The following SEMA5B variants were observed in gnomAD, a reference collection of about 807,000 sequenced individuals.
The protein encoded by SEMA5B is semaphorin 5B, also known as semaphorin-5B.
In SEMA5B, 66 loss-of-function variants were observed where a neutral mutation model predicts 135.0. The ratio of observed to expected loss-of-function variants is 0.49; its 90% confidence interval spans 0.40 to 0.60. The LOEUF is 0.60. Among genes scored for constraint, SEMA5B ranks in the 20% least tolerant of loss-of-function variants. The pLI, the probability that SEMA5B is intolerant of heterozygous loss-of-function variation, is 0.00. For synonymous variants in SEMA5B, 690 were observed against 639.5 expected (o/e 1.08, Z -1.19); for missense variants, 1,501 against 1,566.3 (o/e 0.96, Z 0.70).
At chr3:122,962,874 C>T (rs1208040108) in intron 1 of SEMA5B, among the ~76,000 whole-genome samples, 2 of 152,126 alleles carry the variant, frequency 1.3e-5, no homozygotes, top group African/African-American at 4.8e-5. Flanking sequence ...CACACACCAC[C>T]CTTACTCTCA....
rs767090932 is a variant in SEMA5B at position 122,923,734 on chromosome 3, A to G, written c.1155T>C (p.Ser385=). 3.1e-6 allele frequency: 5 copies of G among 1,614,168 alleles called. No individual in the cohort carries two copies. In the East Asian group the frequency reaches 1.1e-4, roughly 36 times the overall value. Residue 385 remains serine (S), a synonymous_variant, in exon 10 of 23, where the codon TCT becomes TCC. Coordinates refer to ENST00000357599, the MANE Select transcript of SEMA5B (RefSeq NM_001031702.4). ...FTTNVNSIAA[S]AVCAFNLSAI... Reference sequence around the variant, plus strand: ...CACTGAGGTTGAAGGCGCAGACAGCAGAAGCCGCGATGCTGTTTCTGAAAG... The same window carrying G: ...CACTGAGGTTGAAGGCGCAGACAGCGGAAGCCGCGATGCTGTTTCTGAAAG...
intron 9 of SEMA5B, among the ~76,000 whole-genome samples, chr3:122,925,044 A>C (rs781277643): frequency 4.6e-5 from 7 of 152,278 alleles, no homozygotes; most frequent in Non-Finnish European, 1.0e-4. Flanking sequence ...ATCCACACTG[A>C]TGGCGTCAGT....
intron 1 of SEMA5B, among the ~76,000 whole-genome samples, chr3:123,017,769 G>C (rs1299924672): frequency 1.3e-5 from 2 of 152,052 alleles, no homozygotes; most frequent in Non-Finnish European, 2.9e-5. Flanking sequence ...TTAGCCAGAT[G>C]CAGTGGCGGG....
At chr3:122,972,653 G>A (rs553341902) in intron 1 of SEMA5B, among the ~76,000 whole-genome samples, 1 of 152,346 alleles carries the variant, frequency 6.6e-6, no homozygotes, top group Non-Finnish European at 1.5e-5. Context: ...GGTAAGAGCT[G>A]TTGGGATGCT....
chr3:123,025,598 G>A (rs545475452), intron 1 of SEMA5B, among the ~76,000 whole-genome samples: 6 of 152,180 alleles, frequency 3.9e-5, no homozygotes, highest in Non-Finnish European at 8.8e-5. Flanking sequence ...AAAAGGGATG[G>A]AAGATCTGCC....
chr3:122,966,547 T>C (rs1261805888), intron 1 of SEMA5B, among the ~76,000 whole-genome samples: 1 of 147,622 alleles, frequency 6.8e-6, no homozygotes, highest in Admixed American at 6.7e-5. Context: ...TTATTATTAT[T>C]ATTATTATTA....
At position 122,964,281 on chromosome 3, in the gene SEMA5B, C is replaced by A. The variant is rs142616164; in HGVS notation, c.-38-2980G>T. 3.7e-3 allele frequency among the ~76,000 whole-genome samples: 566 copies of A among 152,286 alleles called. 5 individuals are homozygous for A. The highest frequency in any genetic ancestry group is 0.013 in the African/African-American group (546 of 41,552). On this transcript the variant is annotated intron_variant, in intron 1 of 22. Coordinates refer to ENST00000357599, the MANE Select transcript of SEMA5B (RefSeq NM_001031702.4). ...GCACCTGTACCTCAGTGGATCCCAA[C>A]CCCAGATGGGATGGCAGGTGACATG...
At chr3:122,998,107 C>G (rs1177662569) in intron 1 of SEMA5B, among the ~76,000 whole-genome samples, 1 of 152,194 alleles carries the variant, frequency 6.6e-6, no homozygotes, top group African/African-American at 2.4e-5. Context: ...CTCACAGGAG[C>G]CTCCCTTGGG....
chr3:123,026,266 T>C (rs1328186576), intron 1 of SEMA5B, among the ~76,000 whole-genome samples: 1 of 152,140 alleles, frequency 6.6e-6, no homozygotes, highest in Non-Finnish European at 1.5e-5. Context: ...AAGGAGTGCA[T>C]GCCAGGGTAG....
chr3:122,910,351 G>A, intron 22 of SEMA5B, 50 bp from the exon 23 acceptor site: 2 of 1,595,948 alleles, frequency 1.3e-6, no homozygotes, highest in African/African-American at 1.3e-5. Context: ...ACACACAGGG[G>A]AAGGGAACAG....
At chr3:122,991,102 A>C (rs1041763548) in intron 1 of SEMA5B, among the ~76,000 whole-genome samples, 15 of 152,228 alleles carry the variant, frequency 9.9e-5, no homozygotes, top group Non-Finnish European at 2.1e-4. Flanking sequence ...TTTCCTTCCC[A>C]GACTTCACAC....
At chr3:122,998,635 G>A (rs1397181612) in intron 1 of SEMA5B, among the ~76,000 whole-genome samples, 1 of 152,162 alleles carries the variant, frequency 6.6e-6, no homozygotes, top group Non-Finnish European at 1.5e-5. Flanking sequence ...TTTGGCTGCA[G>A]GACAGTCAGC....
intron 2 of SEMA5B, among the ~76,000 whole-genome samples, chr3:122,955,107 T>C (rs997232543): frequency 2.0e-5 from 3 of 150,574 alleles, no homozygotes; most frequent in African/African-American, 7.5e-5. Context: ...GTAGTCATCA[T>C]CTTCTTCTTT....
At position 122,913,009 on chromosome 3, in the gene SEMA5B, G is replaced by A. The variant is rs768882352; in HGVS notation, c.2559C>T (p.Ser853=). Residue 853 remains serine (S), a synonymous_variant, in exon 18 of 23, where the codon AGC becomes AGT. Transcript: ENST00000357599. ...ACGGGCCCCAGGCGGCCCAGCCCCC[G>A]CTCACCGTGTGCGGGGAGGTGCTCC... ...RSGSTSPHTV[S]GGWAAWGPWS... is the part of the protein sequence containing the mutation. 1.9e-6 allele frequency: 3 copies of A among 1,602,376 alleles called. No homozygotes were observed. The highest frequency in any genetic ancestry group is 1.7e-5 in the Admixed American group (1 of 58,464).
At chr3:122,987,541 T>G (rs888361106) in intron 1 of SEMA5B, among the ~76,000 whole-genome samples, 1 of 152,208 alleles carries the variant, frequency 6.6e-6, no homozygotes, top group African/African-American at 2.4e-5. Flanking sequence ...TGTTTGGGCA[T>G]TCTGCTCCTT....
intron 14 of SEMA5B, among the ~76,000 whole-genome samples, chr3:122,914,972 T>C (rs1937988623): frequency 6.6e-6 from 1 of 151,928 alleles, no homozygotes; most frequent in East Asian, 1.9e-4. Flanking sequence ...GCTCTGTATA[T>C]ACCTTATCTC....
chr3:122,926,650 A>G lies in SEMA5B; in HGVS notation c.878T>C (p.Ile293Thr), dbSNP rs777072798. The G allele has an allele frequency of 1.2e-6, 2 of 1,613,644 alleles. No homozygotes were observed. The highest frequency in any genetic ancestry group is 2.2e-5 in the East Asian group (1 of 44,862). ...NEPNFVAAYD[I>T]GLFAYFFLRE... is the part of the protein sequence containing the mutation. ...CAGGAAGAAGTATGCAAACAGCCCA[A>G]TATCATAGGCTGCCACGAAGTTTGG... is the stretch of plus-strand genomic sequence containing the variant. Residue 293 changes from isoleucine (I) to threonine (T), a missense_variant, in exon 9 of 23, where the codon ATT (isoleucine) becomes ACT (threonine). Ile to Thr is a moderately conservative substitution (Grantham distance 89). Transcript: ENST00000357599.
intron 1 of SEMA5B, among the ~76,000 whole-genome samples, chr3:122,999,600 A>T (rs1942121492): frequency 6.6e-6 from 1 of 152,062 alleles, no homozygotes; most frequent in Non-Finnish European, 1.5e-5. Context: ...GACCAGCTGT[A>T]ACCACAAATG....
At chr3:122,991,319 C>T (rs1159524675) in intron 1 of SEMA5B, among the ~76,000 whole-genome samples, 1 of 152,156 alleles carries the variant, frequency 6.6e-6, no homozygotes, top group Non-Finnish European at 1.5e-5. Flanking sequence ...GACCGAGTCT[C>T]AGGGGACCAA....
Sources: allele counts gnomAD v4.1 joint callset (sites outside exome capture counted in the v4.1 genomes callset), GRCh38; gene constraint gnomAD v4.1.1; transcripts MANE v1.5; gene names NCBI Gene and HGNC (gene_info 2026-07-23, HGNC 2026-07-21).